Variants in ZNF804B observed in about 807,000 individuals in gnomAD.
ZNF804B encodes zinc finger protein 804B.
A neutral mutation model predicts 101.4 loss-of-function variants in ZNF804B; 80 were observed. The observed-to-expected ratio is 0.79, with a 90% CI of 0.66 to 0.95. ZNF804B has a LOEUF of 0.95. Ranked by LOEUF, ZNF804B falls within the 40% of genes least tolerant of loss-of-function variation. ZNF804B has a pLI of 0.00. For synonymous variants in ZNF804B, 622 were observed against 558.8 expected, an observed-to-expected ratio of 1.11 and a Z score of -1.59; for missense variants, 1,673 against 1,561.9, an observed-to-expected ratio of 1.07 and a Z score of -1.20.
intron 2 of ZNF804B, among the ~76,000 whole-genome samples, chr7:89,279,826 G>T (rs943127531): frequency 5.3e-5 from 8 of 151,736 alleles, no homozygotes; most frequent in Middle Eastern, 3.2e-3. Context: ...TTTTGGTTGT[G>T]TCTCTGCCAG....
intron 1 of ZNF804B, among the ~76,000 whole-genome samples, chr7:89,186,009 A>G (rs1290262323): frequency 6.6e-6 from 1 of 152,204 alleles, no homozygotes; most frequent in Non-Finnish European, 1.5e-5. Context: ...ATGGCTGCAC[A>G]CAGATATTGA....
At chr7:89,079,478 A>G (rs1789663003) in intron 1 of ZNF804B, among the ~76,000 whole-genome samples, 1 of 152,046 alleles carries the variant, frequency 6.6e-6, no homozygotes, top group African/African-American at 2.4e-5. Flanking sequence ...AAATTTTTCA[A>G]TATCTGGAAA....
chr7:89,051,829 T>TA (rs1469365073), intron 1 of ZNF804B, among the ~76,000 whole-genome samples: 1 of 152,172 alleles, frequency 6.6e-6, no homozygotes, highest in Non-Finnish European at 1.5e-5. Context: ...CCACATCTCT[T>TA]ACCAGTGTGT....
intron 1 of ZNF804B, among the ~76,000 whole-genome samples, chr7:89,082,024 G>T (rs1478922298): frequency 2.0e-5 from 3 of 151,580 alleles, no homozygotes; most frequent in Admixed American, 2.0e-4. Context: ...TGAAGTAAAT[G>T]TCAGTTTATT....
intron 1 of ZNF804B, among the ~76,000 whole-genome samples, chr7:88,881,938 A>G (rs1481215443): frequency 6.6e-6 from 1 of 152,206 alleles, no homozygotes; most frequent in Non-Finnish European, 1.5e-5. Context: ...CTTTCAGTGC[A>G]GAGTATTAAC....
intron 1 of ZNF804B, among the ~76,000 whole-genome samples, chr7:89,030,588 A>C (rs1584083975): frequency 6.6e-6 from 1 of 152,080 alleles, no homozygotes; most frequent in Non-Finnish European, 1.5e-5. Flanking sequence ...TTATGATTCT[A>C]ATCTGTCAAA....
chr7:89,277,830 A>G (rs1790013379), intron 2 of ZNF804B, among the ~76,000 whole-genome samples: 1 of 152,066 alleles, frequency 6.6e-6, no homozygotes, highest in African/African-American at 2.4e-5. Context: ...GTGTCTTTAT[A>G]GCAGCATGAT....
chr7:89,115,002 A>G (rs2040676), intron 1 of ZNF804B, among the ~76,000 whole-genome samples: 115,861 of 152,080 alleles, frequency 0.76, 44,944 homozygotes, highest in African/African-American at 0.92. Flanking sequence ...CCTTTTTCCT[A>G]TGAGTTCCTC....
chr7:88,991,290 G>A (rs192243970), intron 1 of ZNF804B, among the ~76,000 whole-genome samples: 17 of 152,226 alleles, frequency 1.1e-4, no homozygotes, highest in African/African-American at 2.6e-4. Context: ...TCCCTCTGTC[G>A]GAAAATTGTC....
intron 1 of ZNF804B, among the ~76,000 whole-genome samples, chr7:89,048,403 G>T (rs902838354): frequency 2.0e-5 from 3 of 151,872 alleles, no homozygotes; most frequent in African/African-American, 7.3e-5. Flanking sequence ...CACCTGGGAG[G>T]GGATATAATG....
intron 1 of ZNF804B, among the ~76,000 whole-genome samples, chr7:88,994,271 T>G (rs917337197): frequency 4.6e-5 from 7 of 152,038 alleles, no homozygotes; most frequent in Admixed American, 2.0e-4. Flanking sequence ...TGGCACAGGT[T>G]GTTTATGTAA....
rs187605194 is a variant in ZNF804B, at chr7:88,826,108, G to C, written c.108+66024G>C. ...CTTGAAGTGATAAACGAATTATGTT[G>C]AAAAAGAAAATACTTAGAAGTGAAT... On this transcript the variant is annotated intron_variant, in intron 1 of 3. Coordinates refer to ENST00000333190, the MANE Select transcript of ZNF804B (RefSeq NM_181646.5). Among the ~76,000 whole-genome samples, 3 of 152,160 alleles carry C rather than the reference G, an allele frequency of 2.0e-5. No homozygotes were observed. In the East Asian group the frequency reaches 5.8e-4, roughly 29 times the overall value.
intron 1 of ZNF804B, among the ~76,000 whole-genome samples, chr7:88,789,611 T>C (rs927426728): frequency 1.8e-4 from 27 of 152,150 alleles, no homozygotes; most frequent in Non-Finnish European, 2.5e-4. Flanking sequence ...ACATACATCC[T>C]GTCCACAGGT....
intron 3 of ZNF804B, among the ~76,000 whole-genome samples, chr7:89,327,933 A>G (rs894279451): frequency 6.6e-6 from 1 of 151,976 alleles, no homozygotes; most frequent in South Asian, 2.1e-4. Flanking sequence ...AGTTAAATTT[A>G]CCACACAGTG....
intron 2 of ZNF804B, among the ~76,000 whole-genome samples, chr7:89,301,550 A>G (rs575093196): frequency 3.4e-4 from 51 of 151,896 alleles, no homozygotes; most frequent in East Asian, 3.9e-4. Flanking sequence ...CATGAATGCA[A>G]TGTTTCAGCT....
In ZNF804B at chr7:89,215,338, C is replaced by A. The variant is rs61472109; in HGVS notation, c.109-2817C>A. 5.2e-3 allele frequency among the ~76,000 whole-genome samples: 792 copies of A among 152,168 alleles called. 7 individuals are homozygous for A. The highest frequency in any genetic ancestry group is 0.018 in the African/African-American group (768 of 41,518). On this transcript the variant is annotated intron_variant, in intron 1 of 3. Transcript: ENST00000333190. ...AATCATCAATATGATACTTAAAGAA[C>A]GTTTTAGAAATATAGAATGTTTAGA...
At position 88,804,944 on chromosome 7, in the gene ZNF804B, G is replaced by A. The variant is rs541320783; in HGVS notation, c.108+44860G>A. Among the ~76,000 whole-genome samples the A allele has an allele frequency of 2.6e-5, 4 of 152,172 alleles. No homozygotes were observed. In the East Asian group the frequency reaches 7.7e-4, roughly 29 times the overall value. On this transcript the variant is annotated intron_variant, in intron 1 of 3. Coordinates refer to ENST00000333190, the MANE Select transcript of ZNF804B (RefSeq NM_181646.5). ...CAAGTTGCTTACTTGTAAAGTTGCC[G>A]AAAAATGTGTACTCATGAAATACTA...
chr7:89,194,035 GT>G (rs1291975256), intron 1 of ZNF804B, among the ~76,000 whole-genome samples: 3 of 152,152 alleles, frequency 2.0e-5, no homozygotes, highest in South Asian at 2.1e-4. Flanking sequence ...TCTCATTGTG[GT>G]TTTGATTTGC....
intron 2 of ZNF804B, among the ~76,000 whole-genome samples, chr7:89,327,059 G>C (rs922545297): frequency 1.3e-5 from 2 of 151,888 alleles, no homozygotes; most frequent in Non-Finnish European, 2.9e-5. Flanking sequence ...GTTTTTATAA[G>C]CACACAGATT....
Sources: allele counts gnomAD v4.1 joint callset (sites outside exome capture counted in the v4.1 genomes callset), GRCh38; gene constraint gnomAD v4.1.1; transcripts MANE v1.5; gene names NCBI Gene and HGNC (gene_info 2026-07-23, HGNC 2026-07-21).